Variants in SMARCE1 observed in about 807,000 individuals in gnomAD.
The protein encoded by SMARCE1 is SWI/SNF-related matrix-associated actin-dependent regulator of chromatin subfamily E member 1.
In SMARCE1, 13 loss-of-function variants were observed where a neutral mutation model predicts 54.9. That is an observed-to-expected ratio of 0.24 (90% CI 0.15 to 0.38). The LOEUF is 0.38. SMARCE1 is among the 10% of genes least tolerant of loss of function. The pLI is 1.00. For synonymous variants in SMARCE1, 151 were observed against 175.3 expected, an observed-to-expected ratio of 0.86 and a Z score of 1.10; for missense variants, 295 against 523.8, an observed-to-expected ratio of 0.56 and a Z score of 4.26.
Position 40,628,693 on chromosome 17 carries a change from A to G in SMARCE1, c.*92T>C. ...TGGTGGTGTGATATGGACAAGAAAA[A>G]AAATTAATACACAAACCACGTAACA... On this transcript the variant is annotated 3_prime_UTR_variant, in exon 11 of 11. Transcript: ENST00000348513. 1 of 1,069,922 alleles carries G rather than the reference A, an allele frequency of 9.3e-7. No homozygotes were observed. The allele number at this position is 1,069,922 out of a possible 1,614,324, so 66.3% of individuals were successfully genotyped here.
chr17:40,643,646 AAT>A (rs1215279082), intron 3 of SMARCE1: 1 of 152,250 alleles, frequency 6.6e-6, no homozygotes, highest in African/African-American at 2.4e-5. Context: ...TGCAATTAAC[AAT>A]ATCGGTCCTT....
chr17:40,631,500 TTCA>T (rs2037095264), intron 9 of SMARCE1, 89 bp downstream of exon 9: 7 of 688,628 alleles, frequency 1.0e-5, no homozygotes, highest in South Asian at 1.8e-5. Flanking sequence ...GTGAACAACA[TTCA>T]ATAAAAACAC....
At chr17:40,636,275 A>G in intron 6 of SMARCE1, 120 bp downstream of exon 6, 2 of 1,208,322 alleles carry the variant, frequency 1.7e-6, no homozygotes, top group Non-Finnish European at 2.4e-6. Flanking sequence ...TGACTCAGGT[A>G]GACAGAGCCT....
At chr17:40,629,586 C>CTTTTA in intron 10 of SMARCE1, 1 of 1,099,916 alleles carries the variant, frequency 9.1e-7, no homozygotes, top group Non-Finnish European at 1.2e-6. Flanking sequence ...AAATTAAAAG[C>CTTTTA]ATGAGGTTTT....
In SMARCE1 at chr17:40,630,780, C is replaced by T. The variant is rs925142025; in HGVS notation, c.961G>A (p.Glu321Lys). The part of the protein sequence containing the change: ...AERSQSSIVP[E>K]EEQAANKGEE... ...CCTTTGTTAGCTGCTTGTTCTTCCT[C>T]AGGAACGATGCTGCTCTGACTGCGC... Residue 321 changes from glutamate to lysine, a missense_variant, in exon 10 of 11, where the codon GAG becomes AAG. Glu to Lys is a moderately conservative substitution (Grantham distance 56). Transcript: ENST00000348513. The T allele has an allele frequency of 5.0e-6, 8 of 1,614,044 alleles. No individual in the cohort carries two copies. The African/African-American group carries it at 8.0e-5, about 16-fold the overall frequency.
At chr17:40,632,006 A>G in intron 8 of SMARCE1, 189 bp downstream of exon 8, 3 of 577,942 alleles carry the variant, frequency 5.2e-6, no homozygotes, top group Non-Finnish European at 9.1e-6. Flanking sequence ...AAGGTTCTAT[A>G]TTATAGTTTT....
At chr17:40,638,682 T>C (rs561104466) in intron 4 of SMARCE1, among the ~76,000 whole-genome samples, 2 of 152,266 alleles carry the variant, frequency 1.3e-5, no homozygotes, top group African/African-American at 4.8e-5. Context: ...TTCAGACAAT[T>C]TGCAAATTTT....
intron 3 of SMARCE1, chr17:40,644,445 C>A (rs551588743): frequency 1.3e-5 from 2 of 152,166 alleles, no homozygotes; most frequent in East Asian, 3.9e-4. Flanking sequence ...TTGTTCAGCT[C>A]CACCTGTATA....
intron 4 of SMARCE1, chr17:40,641,484 T>C (rs182206097): frequency 8.5e-5 from 13 of 152,338 alleles, no homozygotes; most frequent in African/African-American, 2.6e-4. Context: ...CAGTTCCAGC[T>C]TGACTACAGG....
At chr17:40,630,015 G>GC (rs2037074439) in intron 10 of SMARCE1, 1 of 430,948 alleles carries the variant, frequency 2.3e-6, no homozygotes, top group South Asian at 6.7e-5. Context: ...CCCACTTCTT[G>GC]CAACGATGCT....
Position 40,629,659 on chromosome 17 carries a change from T to C in SMARCE1, c.1028-666A>G, listed in dbSNP as rs1056338099. 6.7e-6 allele frequency: 3 copies of C among 448,788 alleles called. No homozygotes were observed. In the East Asian group the frequency reaches 1.1e-4, roughly 16 times the overall value. The allele number at this position is 448,788 out of a possible 1,614,324, so 27.8% of individuals were successfully genotyped here. ...TCCTTGAACTAGGACAGAATCTGAG[T>C]AAAGACCTGCAAACCTTAAGCATAA... On this transcript the variant is annotated intron_variant, in intron 10 of 10. Coordinates refer to ENST00000348513, the MANE Select transcript of SMARCE1 (RefSeq NM_003079.5).
chr17:40,625,815 C>T lies in SMARCE1; in HGVS notation c.*2970G>A, dbSNP rs1243583612. ...TGTGTTAATGTGAAATAGCTATTTA[C>T]CTCTCCAAACCTCGGCTTTATAGAA... On this transcript the variant is annotated 3_prime_UTR_variant, in exon 11 of 11. Coordinates refer to ENST00000348513, the MANE Select transcript of SMARCE1 (RefSeq NM_003079.5). 1.3e-5 allele frequency: 2 copies of T among 152,192 alleles called. No homozygotes were observed. The highest frequency in any genetic ancestry group is 1.3e-4 in the Admixed American group (2 of 15,282). 9.4% of individuals were successfully genotyped at this position (152,192 alleles called of 1,614,324 possible).
At chr17:40,632,393 A>G in intron 7 of SMARCE1, 26 bp from the exon 8 acceptor site, 1 of 1,604,024 alleles carries the variant, frequency 6.2e-7, no homozygotes, top group African/African-American at 1.3e-5. Context: ...TGTTCTGGAA[A>G]TCAGGTCACC....
At chr17:40,637,226 TTAAA>T (rs2037155500) in intron 5 of SMARCE1, 1 of 446,062 alleles carries the variant, frequency 2.2e-6, no homozygotes, top group Non-Finnish European at 4.1e-6. Flanking sequence ...CCTCACGTCA[TTAAA>T]TATTCTCCAA....
intron 3 of SMARCE1, chr17:40,645,356 A>T (rs2037245414): frequency 2.3e-6 from 1 of 437,300 alleles, no homozygotes; most frequent in Non-Finnish European, 4.0e-6. Flanking sequence ...TGAGCACAGG[A>T]GGTTGGAGTT....
intron 7 of SMARCE1, chr17:40,633,977 G>C (rs1419348473): frequency 1.3e-5 from 2 of 152,230 alleles, no homozygotes; most frequent in Non-Finnish European, 2.9e-5. Context: ...ATTTGGGCTT[G>C]TTCTTCTTTG....
rs941862229 is a variant in SMARCE1 at position 40,625,009 on chromosome 17, TAAAC to T, written c.*3772_*3775del. The T allele has an allele frequency of 6.6e-6, 1 of 152,246 alleles. No individual in the cohort carries two copies. Among genetic ancestry groups the T allele is most frequent in the Non-Finnish European group, 1.5e-5 (1 of 68,040 alleles). The allele number at this position is 152,246 out of a possible 1,614,324, so 9.4% of individuals were successfully genotyped here. On this transcript the variant is annotated 3_prime_UTR_variant, in exon 11 of 11. Coordinates refer to ENST00000348513, the MANE Select transcript of SMARCE1 (RefSeq NM_003079.5). ...TCAGCGTTTGGCTAACAATATGAGA[TAAAC>T]TATTAGAGAAGTGTAGGTCATTCTG... is the stretch of plus-strand genomic sequence containing the variant.
intron 7 of SMARCE1, 57 bp from the exon 8 acceptor site, chr17:40,632,424 T>G (rs1597743726): frequency 7.7e-6 from 11 of 1,434,192 alleles, no homozygotes; most frequent in South Asian, 1.2e-5. Flanking sequence ...AAAAGGAGTG[T>G]AACAATGTTA....
rs151021731 is a variant in SMARCE1 at position 40,634,746 on chromosome 17, T to C, written c.541+1185A>G. ...GTTAATGAAAGCTTTAGTTATTTTC[T>C]ACTTACGTTGCTAGCCTTTGTTTCC... is the stretch of plus-strand genomic sequence containing the variant. On this transcript the variant is annotated intron_variant, in intron 7 of 10. Coordinates refer to ENST00000348513, the MANE Select transcript of SMARCE1 (RefSeq NM_003079.5). 7.0e-3 allele frequency: 1,073 copies of C among 152,360 alleles called. 11 individuals are homozygous for C. The highest frequency in any genetic ancestry group is 0.017 in the South Asian group (82 of 4,830). The allele number at this position is 152,360 out of a possible 1,614,324, so 9.4% of individuals were successfully genotyped here.
Sources: allele counts gnomAD v4.1 joint callset (sites outside exome capture counted in the v4.1 genomes callset), GRCh38; gene constraint gnomAD v4.1.1; transcripts MANE v1.5; gene names NCBI Gene and HGNC (gene_info 2026-07-23, HGNC 2026-07-21).